Variants in LIPC observed in about 807,000 individuals in gnomAD.
The protein encoded by LIPC is lipase C, hepatic type.
LIPC carries 44 observed loss-of-function variants against 50.7 expected under a neutral mutation model. That is an observed-to-expected ratio of 0.87 (90% CI 0.68 to 1.11). The LOEUF (loss-of-function observed/expected upper bound fraction) is 1.11, where lower values mean the gene tolerates loss of function less well. LIPC is among the 50% of genes most tolerant of loss of function. The probability of loss-of-function intolerance (pLI) is 0.00; values close to 1 mark genes in which losing one functional copy is unlikely to be tolerated. For missense variants in LIPC, 697 were observed against 648.2 expected, an observed-to-expected ratio of 1.08 and a Z score of -0.82; for synonymous variants, 271 against 256.4, an observed-to-expected ratio of 1.06 and a Z score of -0.54.
intron 1 of LIPC, among the ~76,000 whole-genome samples, chr15:58,506,181 C>T (rs1296635305): frequency 1.3e-5 from 2 of 152,172 alleles, no homozygotes; most frequent in Non-Finnish European, 2.9e-5. Flanking sequence ...TACCGTGCTT[C>T]ACAACGGGGC....
chr15:58,482,339 C>T (rs1196808328), intron 1 of LIPC, among the ~76,000 whole-genome samples: 1 of 152,140 alleles, frequency 6.6e-6, no homozygotes, highest in Non-Finnish European at 1.5e-5. Flanking sequence ...CTTCCATTGA[C>T]CTCACCACCC....
At chr15:58,460,787 A>C (rs1306579437) in intron 1 of LIPC, among the ~76,000 whole-genome samples, 1 of 152,198 alleles carries the variant, frequency 6.6e-6, no homozygotes, top group Non-Finnish European at 1.5e-5. Context: ...ACAGCCAGCG[A>C]GAATGGGAAG....
chr15:58,479,737 C>T (rs1401510755), intron 1 of LIPC, among the ~76,000 whole-genome samples: 7 of 152,144 alleles, frequency 4.6e-5, no homozygotes, highest in Admixed American at 2.6e-4. Flanking sequence ...AGGTGTGGTG[C>T]CCAATTCATC....
chr15:58,567,744 G>T (rs940872854), intron 8 of LIPC, among the ~76,000 whole-genome samples: 1 of 4,264 alleles, frequency 2.3e-4, no homozygotes, highest in African/African-American at 2.5e-4. Flanking sequence ...CCATTTTCTG[G>T]TAACAGGAAA....
rs778225362 is a variant in LIPC, at chr15:58,563,619, T to A, written c.1284T>A (p.Asn428Lys). The A allele has an allele frequency of 1.9e-6, 3 of 1,614,200 alleles. No homozygotes were observed. The highest frequency in any genetic ancestry group is 2.5e-6 in the Non-Finnish European group (3 of 1,180,016). ...FKWENSAVWA[N>K]VWDTVQTIIP... The stretch of plus-strand genomic sequence containing the variant: ...GGGAAAACAGTGCAGTGTGGGCCAA[T>A]GTCTGGGACACGGTCCAGACCATCA... The change falls in exon 8 of 9, where the codon AAT becomes AAA. Residue 428 changes from asparagine to lysine, a missense_variant. Physicochemically the swap from Asn to Lys is moderately conservative, Grantham distance 94. Coordinates refer to ENST00000299022, the MANE Select transcript of LIPC (RefSeq NM_000236.3).
chr15:58,481,666 C>G (rs982267490), intron 1 of LIPC, among the ~76,000 whole-genome samples: 4 of 152,118 alleles, frequency 2.6e-5, no homozygotes, highest in Non-Finnish European at 5.9e-5. Context: ...TTAGCCAGGC[C>G]TGGCACCTGT....
intron 6 of LIPC, among the ~76,000 whole-genome samples, chr15:58,555,637 G>A (rs1893917084): frequency 1.3e-5 from 2 of 152,194 alleles, no homozygotes; most frequent in African/African-American, 4.8e-5. Context: ...GCAGAAAACA[G>A]GACTCCACTG....
At chr15:58,485,113 G>C (rs1259113380) in intron 1 of LIPC, among the ~76,000 whole-genome samples, 1 of 152,162 alleles carries the variant, frequency 6.6e-6, no homozygotes, top group Non-Finnish European at 1.5e-5. Context: ...CTTTGGCAGG[G>C]GTAATAGCAT....
chr15:58,471,666 A>C (rs1447373966), intron 1 of LIPC, among the ~76,000 whole-genome samples: 1 of 152,220 alleles, frequency 6.6e-6, no homozygotes, highest in Non-Finnish European at 1.5e-5. Flanking sequence ...TGCCTAAAAG[A>C]AACTTCTGGA....
chr15:58,433,372 A>C (rs1429649165), intron 1 of LIPC, among the ~76,000 whole-genome samples: 1 of 152,218 alleles, frequency 6.6e-6, no homozygotes, highest in South Asian at 2.1e-4. Flanking sequence ...CTGAACCAGT[A>C]CCCCAAAGCC....
intron 1 of LIPC, among the ~76,000 whole-genome samples, chr15:58,520,332 C>T (rs936238792): frequency 3.3e-5 from 5 of 152,070 alleles, no homozygotes; most frequent in African/African-American, 9.7e-5. Flanking sequence ...CTGTAGCAGC[C>T]CCCAAAGTAG....
At chr15:58,483,668 G>C (rs1400011663) in intron 1 of LIPC, among the ~76,000 whole-genome samples, 1 of 151,860 alleles carries the variant, frequency 6.6e-6, no homozygotes, top group African/African-American at 2.4e-5. Context: ...GGAAGTTAAA[G>C]ATCACAGCTG....
intron 1 of LIPC, among the ~76,000 whole-genome samples, chr15:58,537,472 C>T (rs532309672): frequency 6.6e-6 from 1 of 152,118 alleles, no homozygotes; most frequent in South Asian, 2.1e-4. Flanking sequence ...TTCCTCTACT[C>T]TTTTCTGTTG....
intron 6 of LIPC, among the ~76,000 whole-genome samples, chr15:58,560,615 T>C (rs1221289760): frequency 1.3e-5 from 2 of 152,234 alleles, no homozygotes; most frequent in African/African-American, 4.8e-5. Flanking sequence ...CTGCCATCTT[T>C]TGTTGGTGAA....
At chr15:58,545,687 T>C in intron 4 of LIPC, 55 bp from the exon 5 acceptor site, 1 of 1,458,954 alleles carries the variant, frequency 6.9e-7, no homozygotes, top group Non-Finnish European at 9.6e-7. Flanking sequence ...AAAAAGCACA[T>C]CTCTCTTCCC....
chr15:58,548,312 T>C lies in LIPC; in HGVS notation c.809-18T>C, dbSNP rs1242751695. 1 of 1,613,826 alleles carries C rather than the reference T, an allele frequency of 6.2e-7. No individual in the cohort carries two copies. Among genetic ancestry groups the C allele is most frequent in the African/African-American group, 1.3e-5 (1 of 74,930 alleles). On this transcript the variant is annotated intron_variant, in intron 5 of 8. Coordinates refer to ENST00000299022, the MANE Select transcript of LIPC (RefSeq NM_000236.3). ...TTGGGTTAAGGGGTGATAACGTCCT[T>C]CTTGCCCTGTGTTCCAGCCATCACC...
At chr15:58,558,073 T>TTTTTTTTTC (rs2140946061) in intron 6 of LIPC, among the ~76,000 whole-genome samples, 1 of 1,084 alleles carries the variant, frequency 9.2e-4, no homozygotes, top group Admixed American at 0.083. Context: ...GCTCTTTTCT[T>TTTTTTTTTC]TTTTTTTTTT....
At position 58,568,946 on chromosome 15, in the gene LIPC, G is replaced by C. The variant is rs541207925; in HGVS notation, c.*119G>C. The C allele has an allele frequency of 3.3e-6, 2 of 614,992 alleles. No homozygotes were observed. Among genetic ancestry groups the C allele is most frequent in the African/African-American group, 1.8e-5 (1 of 54,290 alleles). 38.1% of individuals were successfully genotyped at this position (614,992 alleles called of 1,614,324 possible). On this transcript the variant is annotated 3_prime_UTR_variant, in exon 9 of 9. Transcript: ENST00000299022. Reference sequence around the variant, plus strand: ...TCACACAAAGCTTAAATAAAGTTTAGATTTAAGGGGGGTATGTTTCACTCT... The same window carrying C: ...TCACACAAAGCTTAAATAAAGTTTACATTTAAGGGGGGTATGTTTCACTCT...
chr15:58,476,382 T>A (rs1480830194), intron 1 of LIPC, among the ~76,000 whole-genome samples: 1 of 152,178 alleles, frequency 6.6e-6, no homozygotes, highest in Non-Finnish European at 1.5e-5. Flanking sequence ...TAACACACCA[T>A]CCTCTAAGGG....
Sources: gnomAD v4.1 joint callset for allele counts (sites outside exome capture counted in the v4.1 genomes callset) on GRCh38, gnomAD v4.1.1 for gene constraint, MANE v1.5 for transcripts, NCBI Gene and HGNC (gene_info 2026-07-23, HGNC 2026-07-21) for gene names.